Variants in GMDS observed in about 807,000 individuals in gnomAD.
GMDS encodes the protein GDP-mannose 4,6-dehydratase.
A neutral mutation model predicts 49.9 loss-of-function variants in GMDS; 20 were observed. The ratio of observed to expected loss-of-function variants is 0.40; its 90% CI spans 0.28 to 0.58. The LOEUF (loss-of-function observed/expected upper bound fraction) is 0.58. Ranked by LOEUF, GMDS falls within the 20% of genes least tolerant of loss-of-function variation. GMDS has a pLI of 0.42. For synonymous variants in GMDS, 177 were observed against 178.6 expected (o/e 0.99, Z 0.07); for missense variants, 362 against 481.4 (o/e 0.75, Z 2.32).
chr6:1,961,825 C>T (rs1303196082), intron 4 of GMDS, among the ~76,000 whole-genome samples: 3 of 152,196 alleles, frequency 2.0e-5, no homozygotes, highest in Non-Finnish European at 4.4e-5. Flanking sequence ...CACTGGTCTT[C>T]GTCACTGCTG....
intron 2 of GMDS, among the ~76,000 whole-genome samples, chr6:2,119,686 T>G (rs1020282678): frequency 6.6e-6 from 1 of 152,190 alleles, no homozygotes; most frequent in African/African-American, 2.4e-5. Context: ...GAAAAAGATA[T>G]GAGGTGTTAG....
chr6:2,103,131 A>T (rs1443030873), intron 4 of GMDS, among the ~76,000 whole-genome samples: 1 of 152,224 alleles, frequency 6.6e-6, no homozygotes, highest in African/African-American at 2.4e-5. Context: ...GGCCCATTAC[A>T]GTACACAGCG....
At chr6:1,817,999 G>A (rs1770739078) in intron 7 of GMDS, among the ~76,000 whole-genome samples, 1 of 152,092 alleles carries the variant, frequency 6.6e-6, no homozygotes, top group Non-Finnish European at 1.5e-5. Context: ...TTACTTTTCT[G>A]AAATACAGAG....
At chr6:1,670,135 C>T (rs1764371090) in intron 9 of GMDS, among the ~76,000 whole-genome samples, 1 of 151,994 alleles carries the variant, frequency 6.6e-6, no homozygotes, top group Non-Finnish European at 1.5e-5. Flanking sequence ...TGCGCACGTG[C>T]ACCGCACTGC....
At chr6:2,217,600 C>T (rs376676613) in intron 1 of GMDS, among the ~76,000 whole-genome samples, 1 of 152,164 alleles carries the variant, frequency 6.6e-6, no homozygotes, top group African/African-American at 2.4e-5. Context: ...TACAATAATG[C>T]TGCAAATAGC....
chr6:2,078,665 C>T (rs1189385922), intron 4 of GMDS, among the ~76,000 whole-genome samples: 3 of 151,916 alleles, frequency 2.0e-5, no homozygotes, highest in South Asian at 4.1e-4. Flanking sequence ...TTGTTGTTAC[C>T]TATTTTGTGG....
intron 1 of GMDS, among the ~76,000 whole-genome samples, chr6:2,222,667 G>A (rs935809373): frequency 6.6e-6 from 1 of 152,218 alleles, no homozygotes; most frequent in Non-Finnish European, 1.5e-5. Context: ...GGTCAGGGCA[G>A]GCTGAGAGTG....
At chr6:1,625,862 G>A (rs2113137076) in intron 9 of GMDS, among the ~76,000 whole-genome samples, 1 of 152,324 alleles carries the variant, frequency 6.6e-6, no homozygotes, top group East Asian at 1.9e-4. Context: ...CGAACGCAAA[G>A]GCCGTACGAA....
rs184038303 is a variant in GMDS, at chr6:1,959,741, C to T, written c.643+126G>A. ...TACATTTCTTCATTTGCTGCTCTGA[C>T]ATTCATCATAATTAGATACAGATAG... On this transcript the variant is annotated intron_variant, in intron 6 of 10. Transcript: ENST00000380815. 1.5e-3 allele frequency: 661 copies of T among 441,188 alleles called. 3 individuals are homozygous for T. Among genetic ancestry groups the T allele is most frequent in the Admixed American group, 2.1e-3 (51 of 24,238 alleles). 27.3% of individuals were successfully genotyped at this position (441,188 alleles called of 1,614,324 possible).
At chr6:1,682,436 T>G (rs1764820831) in intron 9 of GMDS, among the ~76,000 whole-genome samples, 1 of 152,230 alleles carries the variant, frequency 6.6e-6, no homozygotes, top group South Asian at 2.1e-4. Flanking sequence ...AGATTGAGGC[T>G]TGTGCCCTCT....
At chr6:1,648,878 C>G (rs1195084300) in intron 9 of GMDS, among the ~76,000 whole-genome samples, 1 of 152,204 alleles carries the variant, frequency 6.6e-6, no homozygotes, top group East Asian at 1.9e-4. Context: ...AGATCTAAAA[C>G]ATACAGTCTT....
intron 8 of GMDS, among the ~76,000 whole-genome samples, chr6:1,735,484 G>A (rs947350930): frequency 6.6e-6 from 1 of 152,192 alleles, no homozygotes. Context: ...TCAGAGGGAG[G>A]ATGCCTAAGC....
intron 1 of GMDS, among the ~76,000 whole-genome samples, chr6:2,144,010 T>G (rs747838266): frequency 4.6e-5 from 7 of 152,222 alleles, no homozygotes; most frequent in South Asian, 2.1e-4. Context: ...AAGACAGTTG[T>G]GTCCATTGAC....
chr6:1,880,373 T>A (rs1759307928), intron 7 of GMDS, among the ~76,000 whole-genome samples: 1 of 151,556 alleles, frequency 6.6e-6, no homozygotes, highest in African/African-American at 2.4e-5. Context: ...TGGAAGGACT[T>A]CTTGAGCCCA....
At position 2,146,528 on chromosome 6, in the gene GMDS, C is replaced by T. The variant is rs559469667; in HGVS notation, c.103-21797G>A. ...CACAGACAGGAATTATGTTATATTA[C>T]ATGATCTCTAATGACTCTTGTAGCC... On this transcript the variant is annotated intron_variant, in intron 1 of 10. Transcript: ENST00000380815. Among the ~76,000 whole-genome samples the T allele has an allele frequency of 1.1e-4, 16 of 152,304 alleles. No homozygotes were observed. In the South Asian group the frequency reaches 3.3e-3, roughly 32 times the overall value.
In GMDS at chr6:1,623,965, C is replaced by T. The variant is rs1357666141; in HGVS notation, c.*204G>A. The stretch of plus-strand genomic sequence containing the variant: ...AGAGGAGGCTTCGACAAACGCAAAG[C>T]GACCCAAACCCTGGAGGGTCACATC... On this transcript the variant is annotated 3_prime_UTR_variant, in exon 11 of 11. Coordinates refer to ENST00000380815, the MANE Select transcript of GMDS (RefSeq NM_001500.4). The T allele has an allele frequency of 1.9e-6, 1 of 528,460 alleles. No individual in the cohort carries two copies. Among genetic ancestry groups the T allele is most frequent in the Non-Finnish European group, 3.4e-6 (1 of 297,906 alleles). 32.7% of individuals were successfully genotyped at this position (528,460 alleles called of 1,614,324 possible).
chr6:1,741,274 G>T (rs930989177), intron 8 of GMDS, among the ~76,000 whole-genome samples: 8 of 152,110 alleles, frequency 5.3e-5, no homozygotes, highest in Non-Finnish European at 1.0e-4. Flanking sequence ...CAGAATACCA[G>T]AACTTATTTC....
intron 4 of GMDS, among the ~76,000 whole-genome samples, chr6:1,991,259 C>T (rs548638239): frequency 6.4e-4 from 98 of 152,204 alleles, no homozygotes; most frequent in African/African-American, 2.2e-3. Flanking sequence ...CTCCCAGGCC[C>T]CGACTCCCAG....
chr6:1,711,927 A>C (rs1403095193), intron 9 of GMDS, among the ~76,000 whole-genome samples: 1 of 152,174 alleles, frequency 6.6e-6, no homozygotes, highest in Non-Finnish European at 1.5e-5. Flanking sequence ...CTGCACAGTC[A>C]CCAGCCGAAC....
Sources: gnomAD v4.1 joint callset for allele counts (sites outside exome capture counted in the v4.1 genomes callset) on GRCh38, gnomAD v4.1.1 for gene constraint, MANE v1.5 for transcripts, NCBI Gene and HGNC (gene_info 2026-07-23, HGNC 2026-07-21) for gene names.